The following RGS6 variants were observed in gnomAD, a reference collection of about 807,000 sequenced individuals.
The protein encoded by RGS6 is regulator of G-protein signaling 6.
A neutral mutation model predicts 78.5 loss-of-function variants in RGS6; 30 were observed. The ratio of observed to expected loss-of-function variants is 0.38; its 90% CI spans 0.29 to 0.52. RGS6 has a LOEUF of 0.52. RGS6 is among the 20% of genes least tolerant of loss of function. The pLI is 0.85. For synonymous variants in RGS6, 206 were observed against 206.0 expected (o/e 1.00, Z 0.00); for missense variants, 495 against 609.7 (o/e 0.81, Z 1.98).
intron 2 of RGS6, among the ~76,000 whole-genome samples, chr14:72,072,644 G>C (rs2094448425): frequency 6.6e-6 from 1 of 152,190 alleles, no homozygotes; most frequent in Non-Finnish European, 1.5e-5. Context: ...AGAGCACTTA[G>C]GGGAAGCAGA....
intron 2 of RGS6, among the ~76,000 whole-genome samples, chr14:72,163,194 T>G (rs917092603): frequency 2.3e-4 from 35 of 151,998 alleles, no homozygotes; most frequent in African/African-American, 8.5e-4. Flanking sequence ...CAAAAACCAA[T>G]GGAAATAAAA....
chr14:72,022,807 C>T (rs1030770244), intron 2 of RGS6, among the ~76,000 whole-genome samples: 4 of 152,196 alleles, frequency 2.6e-5, no homozygotes, highest in African/African-American at 7.2e-5. Flanking sequence ...ATGCCTGGAC[C>T]GTACTTCACC....
chr14:71,975,197 G>C (rs930243114), intron 2 of RGS6, among the ~76,000 whole-genome samples: 1 of 151,856 alleles, frequency 6.6e-6, no homozygotes, highest in African/African-American at 2.4e-5. Flanking sequence ...TTTTGTGAAG[G>C]GTGTTTTTTC....
At chr14:72,181,073 A>G (rs2097168065) in intron 2 of RGS6, among the ~76,000 whole-genome samples, 1 of 152,238 alleles carries the variant, frequency 6.6e-6, no homozygotes, top group African/African-American at 2.4e-5. Context: ...GCAGCTGGGA[A>G]TGGGAATTTA....
rs375392002 is a variant in RGS6 at position 72,397,910 on chromosome 14, T to C, written c.184+45716T>C. Among the ~76,000 whole-genome samples the C allele has an allele frequency of 1.6e-3, 248 of 152,230 alleles. 2 individuals carry two copies. The highest frequency in any genetic ancestry group is 5.3e-3 in the African/African-American group (222 of 41,560). ...ATCCCAGGGATGAAGCCCACTTGATTATGGTGGATAAGCTTTTTGATGTGC... is the reference window on the plus strand; with the variant it reads ...ATCCCAGGGATGAAGCCCACTTGATCATGGTGGATAAGCTTTTTGATGTGC... On this transcript the variant is annotated intron_variant, in intron 3 of 17. Coordinates refer to ENST00000553525, the MANE Select transcript of RGS6 (RefSeq NM_001204424.2).
intron 17 of RGS6, among the ~76,000 whole-genome samples, chr14:72,560,337 G>T (rs1194988352): frequency 6.6e-6 from 1 of 152,214 alleles, no homozygotes; most frequent in Non-Finnish European, 1.5e-5. Context: ...ATGGACATAG[G>T]TAACCGGGGG....
intron 2 of RGS6, among the ~76,000 whole-genome samples, chr14:72,153,691 T>C (rs1348652972): frequency 6.6e-6 from 1 of 152,080 alleles, no homozygotes. Flanking sequence ...AGCAAGTTTT[T>C]ATTAAGGATT....
chr14:72,431,374 A>G (rs376046577), intron 3 of RGS6, among the ~76,000 whole-genome samples: 99 of 152,178 alleles, frequency 6.5e-4, no homozygotes, highest in African/African-American at 2.1e-3. Flanking sequence ...TCTTTTTGAG[A>G]CAGAGTCTCA....
At chr14:72,404,196 G>A (rs907764217) in intron 3 of RGS6, among the ~76,000 whole-genome samples, 1 of 152,336 alleles carries the variant, frequency 6.6e-6, no homozygotes, top group Admixed American at 6.5e-5. Flanking sequence ...GATAGGAGGT[G>A]TAGGTCAAAG....
intron 2 of RGS6, among the ~76,000 whole-genome samples, chr14:72,192,945 C>T (rs1047942891): frequency 6.6e-6 from 1 of 151,872 alleles, no homozygotes; most frequent in Admixed American, 6.6e-5. Flanking sequence ...ATGGCTTCAT[C>T]CAGCCATGGC....
At chr14:72,401,384 G>T (rs1447303938) in intron 3 of RGS6, among the ~76,000 whole-genome samples, 2 of 151,950 alleles carry the variant, frequency 1.3e-5, no homozygotes, top group African/African-American at 4.8e-5. Context: ...TCAGTTAGCT[G>T]GGTGAGTGGT....
intron 17 of RGS6, among the ~76,000 whole-genome samples, chr14:72,545,117 G>A (rs550626196): frequency 4.9e-4 from 75 of 152,372 alleles, no homozygotes; most frequent in Middle Eastern, 3.4e-3. Flanking sequence ...ATCTTTCTGT[G>A]CCTCTGGCAA....
the RGS6 span, among the ~76,000 whole-genome samples, chr14:71,871,516 T>G: frequency 6.6e-6 from 1 of 152,160 alleles, no homozygotes; most frequent in South Asian, 2.1e-4. Flanking sequence ...TTTTCCCTCT[T>G]TTGAAAGCTA....
the RGS6 span, among the ~76,000 whole-genome samples, chr14:71,918,238 G>C: frequency 7.7e-6 from 1 of 129,606 alleles, no homozygotes; most frequent in Non-Finnish European, 1.6e-5. Flanking sequence ...TCAAGTATAA[G>C]GCCAACTTGG....
chr14:72,595,501 G>T, the RGS6 span, among the ~76,000 whole-genome samples: 5 of 151,922 alleles, frequency 3.3e-5, no homozygotes, highest in African/African-American at 1.2e-4. Context: ...TTAGCCCCAG[G>T]AATACAATGC....
intron 3 of RGS6, among the ~76,000 whole-genome samples, chr14:72,364,689 G>A (rs1469881101): frequency 1.3e-5 from 2 of 152,188 alleles, no homozygotes; most frequent in East Asian, 3.8e-4. Flanking sequence ...TTTATTTCTT[G>A]CACTGCTACA....
chr14:72,308,345 C>A (rs2067737100), intron 2 of RGS6, among the ~76,000 whole-genome samples: 1 of 152,198 alleles, frequency 6.6e-6, no homozygotes, highest in South Asian at 2.1e-4. Context: ...CAACTCAAAT[C>A]CACCTTCTTC....
intron 2 of RGS6, among the ~76,000 whole-genome samples, chr14:72,138,573 A>G (rs996658503): frequency 8.6e-5 from 13 of 151,506 alleles, no homozygotes; most frequent in East Asian, 5.8e-4. Flanking sequence ...GGGGTCTCCA[A>G]CTGGTCTGTG....
chr14:72,094,394 A>G (rs2095353936), intron 2 of RGS6, among the ~76,000 whole-genome samples: 1 of 152,226 alleles, frequency 6.6e-6, no homozygotes, highest in African/African-American at 2.4e-5. Flanking sequence ...AGAGAGGACA[A>G]GATATCATTG....
Sources: gnomAD v4.1 joint callset for allele counts (sites outside exome capture counted in the v4.1 genomes callset) on GRCh38, gnomAD v4.1.1 for gene constraint, MANE v1.5 for transcripts, NCBI Gene and HGNC (gene_info 2026-07-23, HGNC 2026-07-21) for gene names.